INSL6: variants seen among roughly 807,000 people sequenced by gnomAD.
The protein encoded by INSL6 is insulin like 6, also known as insulin-like peptide INSL6.
A neutral mutation model predicts 9.4 loss-of-function variants in INSL6; 16 were observed. The ratio of observed to expected loss-of-function variants is 1.70; its 90% CI spans 1.15 to 2.59. The LOEUF is 2.59. Among genes scored for constraint, INSL6 ranks in the 30% most tolerant of loss-of-function variants. The probability of loss-of-function intolerance (pLI) is 0.00; values close to 1 mark genes in which losing one functional copy is unlikely to be tolerated. For synonymous variants in INSL6, 154 were observed against 96.9 expected, an observed-to-expected ratio of 1.59 and a Z score of -3.46; for missense variants, 391 against 257.3, an observed-to-expected ratio of 1.52 and a Z score of -3.56.
the INSL6 span, chr9:5,108,146 A>G: frequency 2.6e-5 from 4 of 152,094 alleles, no homozygotes; most frequent in Admixed American, 2.6e-4. Flanking sequence ...TACCTTTTAT[A>G]ATCCTAGCAA....
At chr9:5,074,300 A>G in the INSL6 span, among the ~76,000 whole-genome samples, 1 of 152,054 alleles carries the variant, frequency 6.6e-6, no homozygotes, top group Non-Finnish European at 1.5e-5. Context: ...GCCTCATTTT[A>G]TTGCACCTTG....
At chr9:5,073,609 G>C in the INSL6 span, 1 of 949,478 alleles carries the variant, frequency 1.1e-6, no homozygotes, top group Non-Finnish European at 1.7e-6. Context: ...GTAGGAGAAA[G>C]TGCATCTTTA....
intron 2 of INSL6, among the ~76,000 whole-genome samples, chr9:5,134,948 A>T (rs866784590): frequency 2.6e-5 from 4 of 152,196 alleles, no homozygotes; most frequent in African/African-American, 9.7e-5. Context: ...CCCAGCTCAC[A>T]TGCAAAGACA....
At chr9:5,035,761 G>C in the INSL6 span, among the ~76,000 whole-genome samples, 43,350 of 151,888 alleles carry the variant, frequency 0.29, 6,534 homozygotes, top group African/African-American at 0.38. Flanking sequence ...ATGACATACC[G>C]ACAGCCAATA....
chr9:5,025,811 A>AC, the INSL6 span, among the ~76,000 whole-genome samples: 1 of 151,964 alleles, frequency 6.6e-6, no homozygotes, highest in East Asian at 1.9e-4. Context: ...GAGCCACTGC[A>AC]CCCAGCCAGA....
intron 1 of INSL6, among the ~76,000 whole-genome samples, chr9:5,170,727 C>A (rs1461072142): frequency 1.3e-5 from 2 of 152,164 alleles, no homozygotes; most frequent in African/African-American, 4.8e-5. Flanking sequence ...TACCAATAAA[C>A]CGGAAAATCT....
At chr9:5,145,298 G>A (rs1349870437) in intron 2 of INSL6, among the ~76,000 whole-genome samples, 6 of 152,036 alleles carry the variant, frequency 3.9e-5, no homozygotes, top group African/African-American at 1.4e-4. Flanking sequence ...TATCTCTTCT[G>A]GCTTGGAGGG....
chr9:5,000,927 C>T, the INSL6 span, among the ~76,000 whole-genome samples: 1 of 152,180 alleles, frequency 6.6e-6, no homozygotes, highest in African/African-American at 2.4e-5. Context: ...AATTGGCTAG[C>T]CCTGGAAGGA....
At chr9:5,162,114 A>C (rs535301115), downstream of INSL6, among the ~76,000 whole-genome samples, 3 of 152,208 alleles carry the variant, frequency 2.0e-5, no homozygotes, top group South Asian at 6.2e-4. Flanking sequence ...TTTTATTGAC[A>C]TCAGTAGTAC....
At chr9:5,146,126 T>C (rs1002973559) in intron 2 of INSL6, among the ~76,000 whole-genome samples, 2 of 152,118 alleles carry the variant, frequency 1.3e-5, no homozygotes, top group African/African-American at 4.8e-5. Flanking sequence ...GGTTTTTTTT[T>C]TCTTTTATCC....
the INSL6 span, among the ~76,000 whole-genome samples, chr9:5,040,598 G>T: frequency 6.6e-6 from 1 of 152,244 alleles, no homozygotes; most frequent in East Asian, 1.9e-4. Context: ...GAATATAAAA[G>T]AATTCTTACA....
At chr9:5,090,459 A>AAAATT in the INSL6 span, 4 of 1,564,424 alleles carry the variant, frequency 2.6e-6, no homozygotes, top group Non-Finnish European at 3.5e-6. Context: ...GGCGTAATCT[A>AAAATT]AAATTAATTA....
intron 2 of INSL6, among the ~76,000 whole-genome samples, chr9:5,158,809 A>G (rs1824866816): frequency 6.6e-6 from 1 of 152,230 alleles, no homozygotes; most frequent in Non-Finnish European, 1.5e-5. Context: ...ATCTGAACAT[A>G]CAACACTAAC....
At chr9:5,168,367 T>G (rs547100856) in intron 1 of INSL6, among the ~76,000 whole-genome samples, 6 of 152,056 alleles carry the variant, frequency 3.9e-5, no homozygotes, top group African/African-American at 1.2e-4. Flanking sequence ...ATAACCAGTT[T>G]AGAGAGGAAG....
chr9:5,114,172 C>G, the INSL6 span: 1 of 429,122 alleles, frequency 2.3e-6, no homozygotes, highest in Non-Finnish European at 4.6e-6. Context: ...TGTGCAGATT[C>G]TAACCCGCAA....
the INSL6 span, chr9:5,050,859 A>G: frequency 1.5e-4 from 239 of 1,579,898 alleles, no homozygotes; most frequent in Middle Eastern, 1.0e-3. Flanking sequence ...ATCCTTACAC[A>G]TAAGTGTGAG....
intron 3 of INSL6, chr9:5,127,627 G>A (rs375600983): frequency 9.9e-5 from 23 of 231,872 alleles, no homozygotes; most frequent in South Asian, 1.8e-4. Context: ...AAAATTTTGA[G>A]ATTAAGAATG....
the INSL6 span, chr9:5,110,735 G>C: frequency 1.1e-5 from 4 of 363,038 alleles, no homozygotes; most frequent in African/African-American, 2.1e-5. Flanking sequence ...TATAGTACCC[G>C]TGTTATTTTC....
the INSL6 span, among the ~76,000 whole-genome samples, chr9:5,017,679 G>A: frequency 1.2e-4 from 19 of 152,076 alleles, no homozygotes; most frequent in Non-Finnish European, 1.8e-4. Flanking sequence ...AATAAGATAC[G>A]ATGTAATAGA....
Sources: allele counts gnomAD v4.1 joint callset (sites outside exome capture counted in the v4.1 genomes callset), GRCh38; gene constraint gnomAD v4.1.1; transcripts MANE v1.5; gene names NCBI Gene and HGNC (gene_info 2026-07-23, HGNC 2026-07-21).